Variants in NDUFAF6 observed in about 807,000 individuals in gnomAD.
NDUFAF6 encodes the protein NADH:ubiquinone oxidoreductase complex assembly factor 6, also known as NADH dehydrogenase (ubiquinone) complex I, assembly factor 6.
NDUFAF6 carries 45 observed loss-of-function variants against 40.8 expected under a neutral mutation model. That is an observed-to-expected ratio of 1.10 (90% CI 0.87 to 1.42). The LOEUF (loss-of-function observed/expected upper bound fraction) is 1.42. Among genes scored for constraint, NDUFAF6 ranks in the 40% most tolerant of loss-of-function variants. The pLI, the probability that NDUFAF6 is intolerant of heterozygous loss-of-function variation, is 0.00. For synonymous variants in NDUFAF6, 185 were observed against 155.9 expected, an observed-to-expected ratio of 1.19 and a Z score of -1.39; for missense variants, 435 against 418.5, an observed-to-expected ratio of 1.04 and a Z score of -0.34.
At chr8:95,013,477 G>C (rs1271407054) in intron 2 of NDUFAF6, among the ~76,000 whole-genome samples, 2 of 152,176 alleles carry the variant, frequency 1.3e-5, no homozygotes, top group African/African-American at 2.4e-5. Context: ...CATCTGAGAA[G>C]TCTTGCTTTC....
chr8:95,099,949 C>G (rs1809598308), upstream of NDUFAF6, among the ~76,000 whole-genome samples: 2 of 152,152 alleles, frequency 1.3e-5, no homozygotes, highest in Admixed American at 1.3e-4. Flanking sequence ...TTGCCCCAGG[C>G]TTTGGGAGAA....
intron 5 of NDUFAF6, 64 bp from the exon 6 acceptor site, chr8:95,046,930 C>T: frequency 6.2e-7 from 1 of 1,600,118 alleles, no homozygotes; most frequent in South Asian, 1.1e-5. Context: ...TTTCTCTATG[C>T]TATTTCTATT....
chr8:95,036,359 A>T, intron 3 of NDUFAF6: 1 of 1,289,282 alleles, frequency 7.8e-7, no homozygotes, highest in Non-Finnish European at 1.0e-6. Flanking sequence ...ACAGTGGTAC[A>T]CCTCTTCTCA....
chr8:95,023,883 C>T (rs189806747), upstream of NDUFAF6, among the ~76,000 whole-genome samples: 15 of 151,700 alleles, frequency 9.9e-5, no homozygotes, highest in East Asian at 1.9e-3. Flanking sequence ...CCCAGCTACT[C>T]GGGAGGCTGA....
intron 2 of NDUFAF6, among the ~76,000 whole-genome samples, chr8:94,948,812 A>G (rs1822260213): frequency 6.6e-6 from 1 of 152,040 alleles, no homozygotes; most frequent in Non-Finnish European, 1.5e-5. Flanking sequence ...GCCGCGGCCA[A>G]GAAAACAAGC....
At chr8:94,936,542 C>G (rs1049808851) in intron 1 of NDUFAF6, among the ~76,000 whole-genome samples, 3 of 152,142 alleles carry the variant, frequency 2.0e-5, no homozygotes, top group Non-Finnish European at 4.4e-5. Context: ...GGCTGAACTG[C>G]ACGCTGTTTT....
upstream of NDUFAF6, among the ~76,000 whole-genome samples, chr8:94,953,047 T>C (rs539001610): frequency 5.3e-5 from 8 of 152,264 alleles, no homozygotes; most frequent in South Asian, 1.7e-3. Context: ...CAATTATTTA[T>C]GTTAAAACTT....
At chr8:95,008,709 A>G (rs956287345) in intron 2 of NDUFAF6, among the ~76,000 whole-genome samples, 3 of 152,102 alleles carry the variant, frequency 2.0e-5, no homozygotes, top group Non-Finnish European at 4.4e-5. Context: ...GGGTTTCACC[A>G]TGTTGGCCAG....
chr8:94,909,541 G>A (rs960509859), intron 1 of NDUFAF6, among the ~76,000 whole-genome samples: 30 of 151,428 alleles, frequency 2.0e-4, no homozygotes, highest in Non-Finnish European at 3.1e-4. Flanking sequence ...CTGGAGAATC[G>A]CTTGAACCTA....
At chr8:95,020,237 A>G (rs1827635668), upstream of NDUFAF6, among the ~76,000 whole-genome samples, 1 of 152,196 alleles carries the variant, frequency 6.6e-6, no homozygotes, top group South Asian at 2.1e-4. Context: ...TAAACTACCC[A>G]AAAAGCATGA....
rs1554657858 is a variant in NDUFAF6 at position 95,005,554 on chromosome 8, A to ATATATATATATATATATATATATATATAT, written c.-84+24581_-84+24582insTATATATATATATATATATATATATATAT. Among the ~76,000 whole-genome samples the ATATATATATATATATATATATATATATAT allele has an allele frequency of 2.9e-4, 34 of 115,330 alleles. 2 individuals carry two copies. The highest frequency in any genetic ancestry group is 1.2e-3 in the African/African-American group (31 of 26,770). 75.7% of individuals were successfully genotyped at this position (115,330 alleles called of 152,430 possible). On this transcript the variant is annotated intron_variant, in intron 2 of 9. Transcript: ENST00000396111. ...ATATATATATATATATATATATATA[A>ATATATATATATATATATATATATATATAT]AAAATATATTAACATAAATAATATA...
intron 1 of NDUFAF6, chr8:94,932,185 G>A: frequency 1.3e-6 from 2 of 1,491,076 alleles, no homozygotes; most frequent in Admixed American, 1.9e-5. Flanking sequence ...TTAGGACGTG[G>A]TCAACTTTTA....
intron 2 of NDUFAF6, among the ~76,000 whole-genome samples, chr8:94,999,067 A>G (rs1033339871): frequency 1.1e-4 from 17 of 152,114 alleles, no homozygotes; most frequent in Non-Finnish European, 2.1e-4. Context: ...AAAATGTCAT[A>G]AAACATTTAA....
downstream of NDUFAF6, chr8:95,078,479 A>G (rs1421495440): frequency 6.6e-6 from 1 of 151,830 alleles, no homozygotes; most frequent in African/African-American, 2.4e-5. Flanking sequence ...CCCTGTCTCT[A>G]CAAAAAGAAA....
intron 1 of NDUFAF6, among the ~76,000 whole-genome samples, chr8:94,917,110 C>CAAA (rs35834003): frequency 5.6e-5 from 5 of 89,544 alleles, no homozygotes; most frequent in Non-Finnish European, 6.7e-5. Flanking sequence ...GACTCCATCT[C>CAAA]AAAAAAAAAA....
Position 95,045,221 on chromosome 8 carries a change from C to T in NDUFAF6, c.478-324C>T, listed in dbSNP as rs60541843. Among the ~76,000 whole-genome samples, 1,867 of 152,026 alleles carry T rather than the reference C, an allele frequency of 0.012. 45 individuals carry two copies. Among genetic ancestry groups the T allele is most frequent in the African/African-American group, 0.041 (1,712 of 41,448 alleles). On this transcript the variant is annotated intron_variant, in intron 4 of 8. Coordinates refer to ENST00000396124, the MANE Select transcript of NDUFAF6 (RefSeq NM_152416.4). ...AAGAAGATAATGTCTAAAGTGCCTA[C>T]GTAATGTCTAAAGTGCCTATGTAAG...
At chr8:95,040,829 T>C (rs1830065464) in intron 3 of NDUFAF6, 1 of 152,192 alleles carries the variant, frequency 6.6e-6, no homozygotes. Context: ...TAGGATCCTT[T>C]TGAATCTCTC....
chr8:95,078,399 T>C (rs1262626778), downstream of NDUFAF6: 1 of 152,164 alleles, frequency 6.6e-6, no homozygotes, highest in Admixed American at 6.5e-5. Flanking sequence ...ATCCCAGCAC[T>C]TTGTGAGGCC....
At chr8:95,040,356 G>C (rs1325483982) in intron 3 of NDUFAF6, among the ~76,000 whole-genome samples, 1 of 152,134 alleles carries the variant, frequency 6.6e-6, no homozygotes, top group Non-Finnish European at 1.5e-5. Flanking sequence ...TTATTACTTA[G>C]TCACAATTTT....
Sources: gnomAD v4.1 joint callset for allele counts (sites outside exome capture counted in the v4.1 genomes callset) on GRCh38, gnomAD v4.1.1 for gene constraint, MANE v1.5 for transcripts, NCBI Gene and HGNC (gene_info 2026-07-23, HGNC 2026-07-21) for gene names.